The following KCTD17 variants were observed in gnomAD, a reference collection of about 807,000 sequenced individuals.
The protein encoded by KCTD17 is potassium channel tetramerization domain containing 17.
In KCTD17, 20 loss-of-function variants were observed where a neutral mutation model predicts 41.5. The ratio of observed to expected loss-of-function variants is 0.48; its 90% CI spans 0.34 to 0.70. KCTD17 has a LOEUF of 0.70. Ranked by LOEUF, KCTD17 falls within the 30% of genes least tolerant of loss-of-function variation. KCTD17 has a pLI of 0.01. For missense variants in KCTD17, 317 were observed against 427.2 expected, an observed-to-expected ratio of 0.74 and a Z score of 2.27; for synonymous variants, 156 against 173.8, an observed-to-expected ratio of 0.90 and a Z score of 0.80.
intron 2 of KCTD17, among the ~76,000 whole-genome samples, chr22:37,054,320 G>A (rs1301508075): frequency 2.0e-5 from 3 of 152,288 alleles, no homozygotes; most frequent in East Asian, 3.9e-4. Context: ...CTGTTTACAC[G>A]CCCTGCATTC....
At chr22:37,056,602 C>T (rs758972373) in intron 3 of KCTD17, among the ~76,000 whole-genome samples, 191 bp downstream of exon 3, 5 of 152,150 alleles carry the variant, frequency 3.3e-5, no homozygotes, top group South Asian at 2.1e-4. Flanking sequence ...GACTCGGAGA[C>T]GGACACTGGG....
intron 4 of KCTD17, among the ~76,000 whole-genome samples, chr22:37,058,408 C>A (rs910702998): frequency 3.3e-5 from 5 of 152,232 alleles, no homozygotes; most frequent in Non-Finnish European, 7.3e-5. Flanking sequence ...GCTAACAGTA[C>A]CTCCTCTGTA....
chr22:37,059,281 T>G, intron 4 of KCTD17, 32 bp from the exon 5 acceptor site: 1 of 1,609,292 alleles, frequency 6.2e-7, no homozygotes, highest in Non-Finnish European at 8.5e-7. Flanking sequence ...AACACCAACC[T>G]GCATTTTTCT....
At chr22:37,052,683 G>C (rs1311705506) in intron 1 of KCTD17, 4 of 468,990 alleles carry the variant, frequency 8.5e-6, no homozygotes, top group Non-Finnish European at 1.8e-5. Flanking sequence ...CGAGTGTCCA[G>C]TGAGATAGTG....
intron 5 of KCTD17, among the ~76,000 whole-genome samples, chr22:37,060,255 A>G (rs899082460): frequency 6.6e-6 from 1 of 152,098 alleles, no homozygotes; most frequent in Non-Finnish European, 1.5e-5. Flanking sequence ...CTTCCTGTCT[A>G]TCTGTCTGCC....
chr22:37,058,508 A>G (rs1925402224), intron 4 of KCTD17, among the ~76,000 whole-genome samples: 1 of 151,654 alleles, frequency 6.6e-6, no homozygotes, highest in Non-Finnish European at 1.5e-5. Context: ...GCAAATCATT[A>G]GAAATCCATA....
At position 37,053,256 on chromosome 22, in the gene KCTD17, G is replaced by T. The variant is rs371310195; in HGVS notation, c.298+48G>T. ...CCTGGACCTTATGCAGCCTGCCAGG[G>T]CCCTCTGTGGAGGCCCCAAGCCATT... On this transcript the variant is annotated intron_variant, in intron 2 of 8. Coordinates refer to ENST00000403888, the MANE Select transcript of KCTD17 (RefSeq NM_001282684.2). This position sits in a 1 kb window ranked among gnomAD's most constrained non-coding sequence, Gnocchi z 4.1. The T allele has an allele frequency of 6.1e-5, 87 of 1,434,652 alleles. No individual in the cohort carries two copies. Among genetic ancestry groups the T allele is most frequent in the Middle Eastern group, 1.7e-4 (1 of 5,762 alleles). The allele number at this position is 1,434,652 out of a possible 1,614,324, so 88.9% of individuals were successfully genotyped here.
At chr22:37,056,545 G>A (rs2145973231) in intron 3 of KCTD17, 134 bp downstream of exon 3, 3 of 686,898 alleles carry the variant, frequency 4.4e-6, no homozygotes, top group South Asian at 1.8e-5. Context: ...GAGCTGGCCT[G>A]TAAGGAGAGG....
At chr22:37,058,342 A>G (rs574161397) in intron 4 of KCTD17, among the ~76,000 whole-genome samples, 1 of 152,340 alleles carries the variant, frequency 6.6e-6, no homozygotes, top group African/African-American at 2.4e-5. Flanking sequence ...CATGCCTGCC[A>G]CCTTGGGCAA....
At chr22:37,058,255 G>A (rs751660189) in intron 4 of KCTD17, among the ~76,000 whole-genome samples, 16 of 152,238 alleles carry the variant, frequency 1.1e-4, no homozygotes, top group Non-Finnish European at 1.9e-4. Context: ...GGAGCCCCCA[G>A]GATGGCCTGG....
chr22:37,060,553 C>T (rs1925657975), intron 5 of KCTD17, among the ~76,000 whole-genome samples: 1 of 152,214 alleles, frequency 6.6e-6, no homozygotes. Context: ...GCTTCATCCC[C>T]TCCCTCCAGC....
Position 37,061,023 on chromosome 22 carries a change from G to A in KCTD17, c.713-81G>A. 2 of 1,548,242 alleles carry A rather than the reference G, an allele frequency of 1.3e-6. No homozygotes were observed. Among genetic ancestry groups the A allele is most frequent in the South Asian group, 2.4e-5 (2 of 83,848 alleles). On this transcript the variant is annotated intron_variant, in intron 6 of 8. Transcript: ENST00000403888. The surrounding 1 kb of genome is among the most constrained non-coding windows in gnomAD (Gnocchi z 6.6). ...CAGAACCGGGGGCCCCGGGGCTGCT[G>A]GGGGGGCACCAGGGTTAGCTCAGCC...
chr22:37,060,216 A>G (rs542542656), intron 5 of KCTD17, among the ~76,000 whole-genome samples: 63 of 152,272 alleles, frequency 4.1e-4, no homozygotes, highest in African/African-American at 1.5e-3. Context: ...CCTGGGGCCC[A>G]ACCCCACACA....
chr22:37,052,641 G>A lies in KCTD17; in HGVS notation c.190-459G>A, dbSNP rs115352795. ...ATGTCTCCGATCTCTCTGTAGAGTC[G>A]CATGGAAGCCCACCCTGCCTCCCTG... On this transcript the variant is annotated intron_variant, in intron 1 of 8. Transcript: ENST00000403888. The A allele has an allele frequency of 1.7e-3, 796 of 470,796 alleles. 3 individuals are homozygous for A. The highest frequency in any genetic ancestry group is 0.013 in the African/African-American group (650 of 50,164). 29.2% of individuals were successfully genotyped at this position (470,796 alleles called of 1,614,324 possible). A position where few individuals can be genotyped will look rare whatever the true frequency, so the allele number is the denominator to read the frequency against.
chr22:37,060,840 G>A lies in KCTD17; in HGVS notation c.630G>A (p.Leu210=), dbSNP rs1413143620. The A allele has an allele frequency of 6.6e-7, 1 of 1,519,682 alleles. No individual in the cohort carries two copies. The highest frequency in any genetic ancestry group is 2.1e-5 in the Admixed American group (1 of 47,198). 94.1% of individuals were successfully genotyped at this position (1,519,682 alleles called of 1,614,324 possible). Residue 210 remains leucine (L), a synonymous_variant, in exon 6 of 9, where the codon CTG becomes CTA. Transcript: ENST00000403888. ...SRKTKSTEEQ[L]EEQQQQEEEV... ...GTTCACAGAGCACGGAGGAGCAGCT[G>A]GAGGAGCAGCAGCAGCAGGAGGAGG...
rs1601500062 is a variant in KCTD17, at chr22:37,061,339, C to G, written c.784+164C>G. The G allele has an allele frequency of 6.7e-7, 1 of 1,489,048 alleles. No homozygotes were observed. Among genetic ancestry groups the G allele is most frequent in the East Asian group, 2.5e-5 (1 of 40,514 alleles). 92.2% of individuals were successfully genotyped at this position (1,489,048 alleles called of 1,614,324 possible). A position where few individuals can be genotyped will look rare whatever the true frequency, so the allele number is the denominator to read the frequency against. Reference sequence around the variant, plus strand: ...GTGCCCTCCACCCAGGCCCCCTGGCCCTGCATCCCAGAGCGTCCTGCCTGC... The same window carrying G: ...GTGCCCTCCACCCAGGCCCCCTGGCGCTGCATCCCAGAGCGTCCTGCCTGC... On this transcript the variant is annotated intron_variant, in intron 7 of 8. Transcript: ENST00000403888. This position sits in a 1 kb window ranked among gnomAD's most constrained non-coding sequence, Gnocchi z 6.6.
chr22:37,057,249 C>G, intron 3 of KCTD17, 149 bp from the exon 4 acceptor site: 1 of 704,330 alleles, frequency 1.4e-6, no homozygotes, highest in Non-Finnish European at 2.6e-6. Context: ...GTGCTCAGAG[C>G]ATGGCTGCCT....
intron 8 of KCTD17, chr22:37,062,207 C>G: frequency 1.0e-6 from 1 of 985,404 alleles, no homozygotes; most frequent in Non-Finnish European, 1.2e-6. Flanking sequence ...AACCCCCATC[C>G]CACCCCCTTC....
chr22:37,054,440 AGATCACACAGGGCTATCCGGAGGCTAGGG>A (rs1924855283), intron 2 of KCTD17, among the ~76,000 whole-genome samples: 1 of 143,144 alleles, frequency 7.0e-6, no homozygotes, highest in Non-Finnish European at 1.5e-5. Flanking sequence ...GGGGGCTAGG[AGATCACACAGGGCTATCCGGAGGCTAGGG>A]GATCACACAG....
Sources: gnomAD v4.1 joint callset for allele counts (sites outside exome capture counted in the v4.1 genomes callset) on GRCh38, gnomAD v4.1.1 for gene constraint, Gnocchi (gnomAD v3.1) non-coding constraint, MANE v1.5 for transcripts, NCBI Gene and HGNC (gene_info 2026-07-23, HGNC 2026-07-21) for gene names.